The following HACL1 variants were observed in gnomAD, a reference collection of about 807,000 sequenced individuals.
The protein encoded by HACL1 is 2-hydroxyacyl-CoA lyase 1, also known as 1600020H07Rik.
A neutral mutation model predicts 74.2 loss-of-function variants in HACL1; 64 were observed. That is an observed-to-expected ratio of 0.86 (90% CI 0.70 to 1.06). HACL1 has a LOEUF of 1.06. Among genes scored for constraint, HACL1 ranks in the 50% least tolerant of loss-of-function variants. HACL1 has a pLI of 0.00. For synonymous variants in HACL1, 230 were observed against 238.8 expected, an observed-to-expected ratio of 0.96 and a Z score of 0.34; for missense variants, 728 against 719.7, an observed-to-expected ratio of 1.01 and a Z score of -0.13.
chr3:15,584,383 T>G (rs756905812), intron 7 of HACL1, among the ~76,000 whole-genome samples: 24 of 151,714 alleles, frequency 1.6e-4, no homozygotes, highest in Non-Finnish European at 3.2e-4. Flanking sequence ...AGGTCAGGAG[T>G]TCGAGACCAG....
chr3:15,594,150 G>A (rs57608233), intron 3 of HACL1, among the ~76,000 whole-genome samples: 4,149 of 152,256 alleles, frequency 0.027, 199 homozygotes, highest in African/African-American at 0.092. Context: ...GCTGACGTCT[G>A]TAATCCCAGC....
intron 11 of HACL1, among the ~76,000 whole-genome samples, chr3:15,572,749 T>TA (rs1380176378): frequency 2.0e-5 from 3 of 152,190 alleles, no homozygotes; most frequent in African/African-American, 2.4e-5. Flanking sequence ...GTTTGAAGAG[T>TA]AAAAAGCTCT....
chr3:15,575,082 C>A lies in HACL1; in HGVS notation c.804G>T (p.Arg268Ser). The A allele has an allele frequency of 6.7e-7, 1 of 1,490,340 alleles. No individual in the cohort carries two copies. The highest frequency in any genetic ancestry group is 9.3e-7 in the Non-Finnish European group (1 of 1,072,606). The allele number at this position is 1,490,340 out of a possible 1,614,324, so 92.3% of individuals were successfully genotyped here. The change falls in exon 10 of 17, where the codon AGG becomes AGT. Residue 268 changes from arginine (R) to serine (S), a missense_variant and splice_region_variant. Physicochemically the swap from Arg to Ser is moderately radical, Grantham distance 110. Transcript: ENST00000321169. The part of the protein sequence containing the change: ...HPYCVGAARS[R>S]ALQFADVIVL... ...CAATTACATCAGCAAATTGCAAAGCCCTATTAAAAAAATTGATATGAAAGT... is the reference window on the plus strand; with the variant it reads ...CAATTACATCAGCAAATTGCAAAGCACTATTAAAAAAATTGATATGAAAGT...
chr3:15,591,456 A>T, intron 4 of HACL1, 144 bp downstream of exon 4: 1 of 515,602 alleles, frequency 1.9e-6, no homozygotes, highest in Non-Finnish European at 3.6e-6. Context: ...CCTCCCCGGT[A>T]ACTAACTCTA....
intron 8 of HACL1, among the ~76,000 whole-genome samples, chr3:15,580,710 C>T (rs2063704236): frequency 6.6e-6 from 1 of 152,122 alleles, no homozygotes; most frequent in Non-Finnish European, 1.5e-5. Flanking sequence ...AAAATGTTGC[C>T]CTGAAAGAGA....
chr3:15,593,105 G>A lies in HACL1; in HGVS notation c.228-1425C>T, dbSNP rs574625905. 2.6e-4 allele frequency among the ~76,000 whole-genome samples: 37 copies of A among 145,080 alleles called. 1 individual carries two copies. Among genetic ancestry groups the A allele is most frequent in the Non-Finnish European group, 1.2e-4 (8 of 66,414 alleles). ...TATACACACACATATACATATATGT[G>A]TGTGTATATATACACACACATACGT... On this transcript the variant is annotated intron_variant, in intron 3 of 16. Transcript: ENST00000321169.
At chr3:15,593,254 C>T (rs899970187) in intron 3 of HACL1, among the ~76,000 whole-genome samples, 1 of 151,142 alleles carries the variant, frequency 6.6e-6, no homozygotes, top group Non-Finnish European at 1.5e-5. Flanking sequence ...CACTCTGTTG[C>T]TCAGGCTGGA....
chr3:15,586,525 C>T lies in HACL1; in HGVS notation c.459G>A (p.Lys153=), dbSNP rs1171992511. The change falls in exon 6 of 17, where the codon AAG becomes AAA. Residue 153 remains lysine, a splice_region_variant and synonymous_variant. Transcript: ENST00000321169. ...GAGAGCTTGTTATTAAATACTGTAC[C>T]TTTTCAATAACAAAAGGAATAGCTT... is the stretch of plus-strand genomic sequence containing the variant. ...SIEAIPFVIE[K]AVRSSIYGRP... 26 of 1,541,746 alleles carry T rather than the reference C, an allele frequency of 1.7e-5. No homozygotes were observed. The East Asian group carries it at 4.5e-4, about 27-fold the overall frequency.
chr3:15,571,254 T>C (rs1219047943), intron 12 of HACL1, among the ~76,000 whole-genome samples: 2 of 152,028 alleles, frequency 1.3e-5, no homozygotes, highest in African/African-American at 4.8e-5. Context: ...GGATTACAGG[T>C]GTTTAATTGT....
At chr3:15,568,341 T>C in intron 13 of HACL1, 91 bp downstream of exon 13, 1 of 815,380 alleles carries the variant, frequency 1.2e-6, no homozygotes, top group South Asian at 1.8e-5. Flanking sequence ...CATGTATTAA[T>C]TCTCAAACGT....
rs370094360 is a variant in HACL1, at chr3:15,592,246, A to G, written c.228-566T>C. On this transcript the variant is annotated intron_variant, in intron 3 of 16. Transcript: ENST00000321169. ...TATACATACGTATATACGTATACATACGTGTATATATGGATCCATATATAC... is the reference window on the plus strand; with the variant it reads ...TATACATACGTATATACGTATACATGCGTGTATATATGGATCCATATATAC... 5.6e-3 allele frequency among the ~76,000 whole-genome samples: 690 copies of G among 124,176 alleles called. 24 individuals are homozygous for G. Among genetic ancestry groups the G allele is most frequent in the African/African-American group, 0.022 (594 of 26,924 alleles). 81.5% of individuals were successfully genotyped at this position (124,176 alleles called of 152,430 possible).
chr3:15,581,376 G>A (rs1292760606), intron 8 of HACL1, among the ~76,000 whole-genome samples: 2 of 151,752 alleles, frequency 1.3e-5, no homozygotes, highest in Admixed American at 6.6e-5. Flanking sequence ...TCCATATTCT[G>A]TATATATAAT....
At chr3:15,567,203 TGC>T (rs2063449933) in intron 14 of HACL1, among the ~76,000 whole-genome samples, 1 of 134,548 alleles carries the variant, frequency 7.4e-6, no homozygotes, top group Non-Finnish European at 1.6e-5. Flanking sequence ...CAAGCCATGC[TGC>T]CTTTTTTTTT....
In HACL1 at chr3:15,564,617, C is replaced by T. The variant is rs911808240; in HGVS notation, c.1451G>A (p.Gly484Glu). 2 of 1,575,442 alleles carry T rather than the reference C, an allele frequency of 1.3e-6. No homozygotes were observed. The highest frequency in any genetic ancestry group is 1.7e-6 in the Non-Finnish European group (2 of 1,147,398). The change falls in exon 15 of 17, where the codon GGA (glycine) becomes GAA (glutamate). Residue 484 changes from glycine to glutamate, a missense_variant. By Grantham distance (98) the Gly-to-Glu change is moderately conservative. Transcript: ENST00000321169. ...ATCTGTATCAAAACCTTGGTAAATTCCATTGTTATTCACTACCAACAGTAT... is the reference window on the plus strand; with the variant it reads ...ATCTGTATCAAAACCTTGGTAAATTTCATTGTTATTCACTACCAACAGTAT... Reference protein sequence around the residue: ...PIILLVVNNNGIYQGFDTDTW... With the variant: ...PIILLVVNNNEIYQGFDTDTW...
At chr3:15,568,139 A>C in intron 13 of HACL1, 137 bp from the exon 14 acceptor site, 1 of 805,618 alleles carries the variant, frequency 1.2e-6, no homozygotes, top group South Asian at 1.8e-5. Context: ...CTTCAATATA[A>C]AATCTTTAGA....
chr3:15,573,059 A>G, intron 11 of HACL1, 100 bp downstream of exon 11: 1 of 722,120 alleles, frequency 1.4e-6, no homozygotes, highest in East Asian at 2.6e-5. Flanking sequence ...AACAGATATG[A>G]ATAGTAGACC....
intron 10 of HACL1, among the ~76,000 whole-genome samples, chr3:15,573,644 C>A (rs2063574368): frequency 6.6e-6 from 1 of 152,180 alleles, no homozygotes; most frequent in African/African-American, 2.4e-5. Flanking sequence ...CTTGATAAAC[C>A]ATAAACTGTA....
At chr3:15,592,331 C>T (rs970993453) in intron 3 of HACL1, among the ~76,000 whole-genome samples, 10 of 140,858 alleles carry the variant, frequency 7.1e-5, no homozygotes, top group Non-Finnish European at 1.3e-4. Context: ...TGTATATATA[C>T]TCTGGGCACC....
chr3:15,598,442 C>A (rs906690528), intron 2 of HACL1, among the ~76,000 whole-genome samples: 1 of 152,212 alleles, frequency 6.6e-6, no homozygotes, highest in Non-Finnish European at 1.5e-5. Flanking sequence ...TGATTTAAAT[C>A]CCAGCTTCCC....
Sources: gnomAD v4.1 joint callset for allele counts (sites outside exome capture counted in the v4.1 genomes callset) on GRCh38, gnomAD v4.1.1 for gene constraint, MANE v1.5 for transcripts, NCBI Gene and HGNC (gene_info 2026-07-23, HGNC 2026-07-21) for gene names.